The following ZNF345 variants were observed in gnomAD, a reference collection of about 807,000 sequenced individuals.
The protein encoded by ZNF345 is zinc finger protein 345.
For missense variants in ZNF345, 527 were observed against 589.9 expected (o/e 0.89, Z 1.10); for synonymous variants, 166 against 187.9 (o/e 0.88, Z 0.95).
intron 2 of ZNF345, among the ~76,000 whole-genome samples, chr19:36,859,954 TTTTG>T (rs989096632): frequency 7.2e-5 from 11 of 151,900 alleles, no homozygotes; most frequent in African/African-American, 1.9e-4. Context: ...TTGCAGATTT[TTTTG>T]TTTGTTTGTT....
intron 2 of ZNF345, among the ~76,000 whole-genome samples, chr19:36,874,505 A>G (rs79421204): frequency 0.18 from 25,988 of 144,360 alleles, 3,034 homozygotes; most frequent in African/African-American, 0.3. Context: ...AAAAAAAAAA[A>G]GGGGGGTGGG....
intron 3 of ZNF345, among the ~76,000 whole-genome samples, chr19:36,885,699 A>C (rs1156564022): frequency 6.6e-6 from 1 of 152,036 alleles, no homozygotes; most frequent in Non-Finnish European, 1.5e-5. Context: ...CTGGCCTATG[A>C]TTACAACTTT....
At chr19:36,880,910 A>G (rs1396780326), downstream of ZNF345, among the ~76,000 whole-genome samples, 1 of 151,832 alleles carries the variant, frequency 6.6e-6, no homozygotes, top group Non-Finnish European at 1.5e-5. Context: ...AAATTCATTC[A>G]TTTGTTAGAA....
intron 2 of ZNF345, among the ~76,000 whole-genome samples, chr19:36,853,140 A>G (rs2072322365): frequency 6.6e-6 from 1 of 151,984 alleles, no homozygotes. Context: ...TTTCATTGTA[A>G]TAAAATCATT....
intron 2 of ZNF345, among the ~76,000 whole-genome samples, chr19:36,852,437 C>A (rs989391930): frequency 2.0e-5 from 3 of 151,830 alleles, no homozygotes; most frequent in Non-Finnish European, 4.4e-5. Flanking sequence ...ATGAGGAAAC[C>A]CCGTCTCTAC....
At chr19:36,887,324 AACCTAAGAAC>A (rs1457037621) in intron 3 of ZNF345, among the ~76,000 whole-genome samples, 1 of 147,744 alleles carries the variant, frequency 6.8e-6, no homozygotes, top group African/African-American at 2.4e-5. Flanking sequence ...AAAGCTTAAA[AACCTAAGAAC>A]ATTTGGAATA....
intron 2 of ZNF345, 137 bp from the exon 3 acceptor site, chr19:36,876,648 G>A (rs755587849): frequency 4.4e-6 from 2 of 452,492 alleles, no homozygotes; most frequent in Non-Finnish European, 7.4e-6. Flanking sequence ...AAATTGCCCA[G>A]TCATATGTGA....
chr19:36,868,058 A>G (rs1253819166), intron 2 of ZNF345, among the ~76,000 whole-genome samples: 2 of 143,206 alleles, frequency 1.4e-5, no homozygotes, highest in African/African-American at 2.6e-5. Context: ...GCTAGAGTGC[A>G]GTGGTGAAAT....
chr19:36,857,482 T>C (rs2072446612), intron 2 of ZNF345, among the ~76,000 whole-genome samples: 2 of 152,044 alleles, frequency 1.3e-5, no homozygotes, highest in African/African-American at 2.4e-5. Flanking sequence ...AATTTTTTTG[T>C]ATTTTTAGCA....
At chr19:36,864,633 C>T (rs900043769) in intron 2 of ZNF345, among the ~76,000 whole-genome samples, 3 of 152,194 alleles carry the variant, frequency 2.0e-5, no homozygotes, top group Middle Eastern at 3.4e-3. Context: ...AGTGCACATC[C>T]GTGGCTCATT....
intron 2 of ZNF345, among the ~76,000 whole-genome samples, chr19:36,872,146 A>G (rs1440169669): frequency 6.6e-6 from 1 of 152,188 alleles, no homozygotes; most frequent in East Asian, 1.9e-4. Flanking sequence ...TATTTGTCTC[A>G]TGGCTTTCTC....
At position 36,878,257 on chromosome 19, in the gene ZNF345, A is replaced by G. The variant is rs747769935; in HGVS notation, c.1427A>G (p.His476Arg). The change falls in exon 3 of 3, where the codon CAT (histidine) becomes CGT (arginine). Residue 476 changes from histidine (H) to arginine (R), a missense_variant. Transcript: ENST00000420450. ...DSEFQQHKKS[H>R]NGKKLCELET... ...GAGTTTCAGCAACATAAGAAAAGTC[A>G]TAATGGTAAGAAACTCTGCGAATTG... The G allele has an allele frequency of 5.0e-6, 8 of 1,600,912 alleles. 1 individual carries two copies. The South Asian group carries it at 7.9e-5, about 16-fold the overall frequency.
chr19:36,867,313 C>T (rs939229702), intron 2 of ZNF345, among the ~76,000 whole-genome samples: 2 of 152,046 alleles, frequency 1.3e-5, no homozygotes, highest in African/African-American at 4.8e-5. Flanking sequence ...ATTTTTTCCC[C>T]AAGATTTGTT....
intron 2 of ZNF345, among the ~76,000 whole-genome samples, chr19:36,869,895 G>A (rs1224503797): frequency 6.6e-6 from 1 of 151,948 alleles, no homozygotes; most frequent in African/African-American, 2.4e-5. Flanking sequence ...CCAAGTAGCT[G>A]GGATTACAGG....
chr19:36,882,221 A>G (rs1377669759), downstream of ZNF345, among the ~76,000 whole-genome samples: 2 of 152,122 alleles, frequency 1.3e-5, no homozygotes, highest in East Asian at 3.9e-4. Flanking sequence ...AATTGGAAGC[A>G]TTTAAGGCTA....
At chr19:36,859,989 G>T (rs1240303617) in intron 2 of ZNF345, among the ~76,000 whole-genome samples, 1 of 151,590 alleles carries the variant, frequency 6.6e-6, no homozygotes, top group East Asian at 1.9e-4. Context: ...AGACAGTCTC[G>T]CTGGGTCGCC....
At chr19:36,867,649 A>G (rs187263952) in intron 2 of ZNF345, among the ~76,000 whole-genome samples, 1 of 152,168 alleles carries the variant, frequency 6.6e-6, no homozygotes, top group African/African-American at 2.4e-5. Context: ...ATGATTTAGC[A>G]CTTCTGTTTA....
In ZNF345 at chr19:36,891,529, G is replaced by C. The variant is rs766291147; in HGVS notation, c.47-1289G>C. The C allele has an allele frequency of 6.9e-6, 11 of 1,596,790 alleles. 1 individual carries two copies. The South Asian group carries it at 1.1e-4, about 16-fold the overall frequency. ...AATTCCCTCATGGCGAATGAGGTCA[G>C]AGCGACTACCAAAAGCCTTTCCACA... On this transcript the variant is annotated intron_variant, in intron 3 of 3. Coordinates refer to the ZNF345 transcript ENST00000526123.
chr19:36,883,315 C>A (rs1209600762), downstream of ZNF345, among the ~76,000 whole-genome samples: 1 of 152,202 alleles, frequency 6.6e-6, no homozygotes, highest in African/African-American at 2.4e-5. Context: ...TCGTCATGGT[C>A]ATTTAATGCA....
Sources: allele counts gnomAD v4.1 joint callset (sites outside exome capture counted in the v4.1 genomes callset), GRCh38; gene constraint gnomAD v4.1.1; transcripts MANE v1.5; gene names NCBI Gene and HGNC (gene_info 2026-07-23, HGNC 2026-07-21).